The following PACRG variants were observed in gnomAD, a reference collection of about 807,000 sequenced individuals.
PACRG encodes parkin coregulated, also known as parkin coregulated gene protein.
Under a neutral mutation model 29.7 loss-of-function variants are expected in PACRG, and 29 were observed. The ratio of observed to expected loss-of-function variants is 0.98; its 90% CI spans 0.73 to 1.33. The LOEUF (loss-of-function observed/expected upper bound fraction) is 1.33, where lower values mean the gene tolerates loss of function less well. Ranked by LOEUF, PACRG falls within the 40% of genes most tolerant of loss-of-function variation. The pLI is 0.00. For missense variants in PACRG, 279 were observed against 316.2 expected, an observed-to-expected ratio of 0.88 and a Z score of 0.89; for synonymous variants, 116 against 118.7, an observed-to-expected ratio of 0.98 and a Z score of 0.15.
At chr6:162,837,858 G>A (rs1278633519) in intron 2 of PACRG, among the ~76,000 whole-genome samples, 1 of 151,992 alleles carries the variant, frequency 6.6e-6, no homozygotes, top group Non-Finnish European at 1.5e-5. Flanking sequence ...TGACTTGGAA[G>A]GAAACAAGAA....
At chr6:163,219,707 C>T (rs1469122890) in intron 4 of PACRG, among the ~76,000 whole-genome samples, 3 of 148,424 alleles carry the variant, frequency 2.0e-5, no homozygotes, top group African/African-American at 2.6e-5. Context: ...CCTGCCTCCT[C>T]CTACAGCTCA....
chr6:163,282,618 A>G (rs1236102777), intron 4 of PACRG, among the ~76,000 whole-genome samples: 1 of 151,984 alleles, frequency 6.6e-6, no homozygotes, highest in East Asian at 1.9e-4. Flanking sequence ...AAGCTGAGGC[A>G]GGAGAATCAC....
chr6:163,069,555 G>A (rs932909866), intron 3 of PACRG, among the ~76,000 whole-genome samples: 10 of 152,108 alleles, frequency 6.6e-5, no homozygotes, highest in South Asian at 4.1e-4. Flanking sequence ...AATTGATCAT[G>A]CCGAAGGAAG....
chr6:163,105,865 C>T (rs957682925), intron 4 of PACRG, among the ~76,000 whole-genome samples: 1 of 152,128 alleles, frequency 6.6e-6, no homozygotes, highest in Non-Finnish European at 1.5e-5. Flanking sequence ...ATGTAAATCT[C>T]AGAGAGTTGT....
intron 2 of PACRG, among the ~76,000 whole-genome samples, chr6:162,836,689 T>A (rs1343987907): frequency 6.6e-6 from 1 of 152,122 alleles, no homozygotes; most frequent in African/African-American, 2.4e-5. Flanking sequence ...TTTAGTCACA[T>A]CCCTTCTTGT....
At chr6:162,802,377 C>G (rs1785948159) in intron 1 of PACRG, among the ~76,000 whole-genome samples, 1 of 152,034 alleles carries the variant, frequency 6.6e-6, no homozygotes, top group Non-Finnish European at 1.5e-5. Context: ...TTTATGAGCT[C>G]CTAACATTGA....
rs564155499 is a variant in PACRG at position 162,953,226 on chromosome 6, TAAG to T, written c.292-108923_292-108921del. Among the ~76,000 whole-genome samples, 62 of 152,274 alleles carry T rather than the reference TAAG, an allele frequency of 4.1e-4. 1 individual carries two copies. The highest frequency in any genetic ancestry group is 1.3e-3 in the African/African-American group (53 of 41,568). On this transcript the variant is annotated intron_variant, in intron 2 of 4. Transcript: ENST00000366888. The stretch of plus-strand genomic sequence containing the variant: ...TTTTAGGCTCTGTAGTCACGGTAGT[TAAG>T]GAGGAGTTCAAACAGAAATATATAA...
chr6:163,081,507 A>T (rs1813070821), intron 3 of PACRG, among the ~76,000 whole-genome samples: 1 of 152,226 alleles, frequency 6.6e-6, no homozygotes, highest in Admixed American at 6.5e-5. Flanking sequence ...TGTTAATCCC[A>T]ACACTTTGGA....
At chr6:163,301,800 C>T (rs1273875451) in intron 4 of PACRG, among the ~76,000 whole-genome samples, 7 of 152,116 alleles carry the variant, frequency 4.6e-5, no homozygotes, top group Admixed American at 1.3e-4. Flanking sequence ...ATCAACAGCA[C>T]GTTAAATTAA....
intron 4 of PACRG, among the ~76,000 whole-genome samples, chr6:163,149,736 C>T (rs377177563): frequency 6.6e-6 from 1 of 152,176 alleles, no homozygotes; most frequent in African/African-American, 2.4e-5. Context: ...AGCTGTCTCC[C>T]CCGACCCCGG....
chr6:163,223,261 G>T (rs1480584735), intron 4 of PACRG, among the ~76,000 whole-genome samples: 1 of 152,126 alleles, frequency 6.6e-6, no homozygotes, highest in Non-Finnish European at 1.5e-5. Context: ...GAGCATGGTG[G>T]CAGGTGCCTG....
intron 4 of PACRG, among the ~76,000 whole-genome samples, chr6:163,123,065 G>A (rs902348524): frequency 3.3e-5 from 5 of 152,156 alleles, no homozygotes; most frequent in Admixed American, 2.6e-4. Flanking sequence ...ACAGCTCCCC[G>A]GTACAGAAGG....
intron 2 of PACRG, among the ~76,000 whole-genome samples, chr6:163,009,480 T>G (rs1261974190): frequency 6.6e-6 from 1 of 152,222 alleles, no homozygotes; most frequent in East Asian, 1.9e-4. Context: ...TCATTACACT[T>G]AATGATTTCA....
At chr6:163,183,241 C>T (rs1427110054) in intron 4 of PACRG, 1 of 150,780 alleles carries the variant, frequency 6.6e-6, no homozygotes, top group Non-Finnish European at 1.5e-5. Flanking sequence ...GCCATGGGTG[C>T]TCTGGGGGCT....
chr6:163,204,313 T>C (rs959665879), intron 4 of PACRG, among the ~76,000 whole-genome samples: 1 of 152,242 alleles, frequency 6.6e-6, no homozygotes, highest in Non-Finnish European at 1.5e-5. Flanking sequence ...TCAAGTCCTT[T>C]CCTTATAAAT....
At chr6:163,123,968 A>G (rs1041819834) in intron 4 of PACRG, among the ~76,000 whole-genome samples, 1 of 152,234 alleles carries the variant, frequency 6.6e-6, no homozygotes, top group African/African-American at 2.4e-5. Flanking sequence ...TGTTTCTTCG[A>G]GATCACAATT....
intron 2 of PACRG, among the ~76,000 whole-genome samples, chr6:162,937,704 A>G (rs898207515): frequency 2.0e-5 from 3 of 152,166 alleles, no homozygotes; most frequent in Non-Finnish European, 4.4e-5. Context: ...GGGTATATTT[A>G]CCAACCACAT....
chr6:163,118,393 G>C (rs1449712821), intron 4 of PACRG, among the ~76,000 whole-genome samples: 1 of 152,218 alleles, frequency 6.6e-6, no homozygotes, highest in African/African-American at 2.4e-5. Context: ...GCATGTGGAA[G>C]GGAAGGTTTG....
At chr6:163,249,114 C>G (rs1456211454) in intron 4 of PACRG, among the ~76,000 whole-genome samples, 1 of 150,612 alleles carries the variant, frequency 6.6e-6, no homozygotes, top group African/African-American at 2.4e-5. Flanking sequence ...ATTTATAGTG[C>G]TTTCTTAGCC....
Sources: allele counts gnomAD v4.1 joint callset (sites outside exome capture counted in the v4.1 genomes callset), GRCh38; gene constraint gnomAD v4.1.1; transcripts MANE v1.5; gene names NCBI Gene and HGNC (gene_info 2026-07-23, HGNC 2026-07-21).